The following ZNF195 variants were observed in gnomAD, a reference collection of about 807,000 sequenced individuals.
ZNF195 encodes hypoxia-regulated factor-1.
A neutral mutation model predicts 19.5 loss-of-function variants in ZNF195; 11 were observed. The ratio of observed to expected loss-of-function variants is 0.57; its 90% CI spans 0.36 to 0.94. The LOEUF (loss-of-function observed/expected upper bound fraction) is 0.94, where lower values mean the gene tolerates loss of function less well. Among genes scored for constraint, ZNF195 ranks in the 40% least tolerant of loss-of-function variants. The pLI is 0.01. For missense variants in ZNF195, 582 were observed against 709.0 expected (o/e 0.82, Z 2.03); for synonymous variants, 214 against 248.1 (o/e 0.86, Z 1.29).
chr11:3,362,748 A>C, intron 3 of ZNF195: 1 of 346,768 alleles, frequency 2.9e-6, no homozygotes, highest in Non-Finnish European at 5.3e-6. Context: ...CATTTCAGTA[A>C]ATTGCTTATT....
chr11:3,362,003 G>A (rs769802652), intron 3 of ZNF195, 114 bp from the exon 4 acceptor site: 24 of 445,192 alleles, frequency 5.4e-5, no homozygotes, highest in African/African-American at 4.8e-4. Context: ...AGGCCGCAGT[G>A]AGCCACGATC....
At chr11:3,377,168 T>C (rs1343083880) in intron 1 of ZNF195, among the ~76,000 whole-genome samples, 1 of 152,266 alleles carries the variant, frequency 6.6e-6, no homozygotes, top group Non-Finnish European at 1.5e-5. Context: ...GCTCTACTGA[T>C]AAAATGTAAA....
chr11:3,361,069 C>T (rs377054164), intron 4 of ZNF195, among the ~76,000 whole-genome samples: 8 of 152,242 alleles, frequency 5.3e-5, no homozygotes, highest in Non-Finnish European at 8.8e-5. Context: ...CCCATGACAG[C>T]GGTAGGAAGG....
rs548660620 is a variant in ZNF195, at chr11:3,365,024, T to C, written c.227-3135A>G. On this transcript the variant is annotated intron_variant, in intron 3 of 5. Coordinates refer to ENST00000399602, the MANE Select transcript of ZNF195 (RefSeq NM_001130520.3). ...TATCCTTATATTAGACACAATACACTGTAAGTCAGAACTGTCACAGGAGAT... is the reference window on the plus strand; with the variant it reads ...TATCCTTATATTAGACACAATACACCGTAAGTCAGAACTGTCACAGGAGAT... Among the ~76,000 whole-genome samples, 48 of 152,312 alleles carry C rather than the reference T, an allele frequency of 3.2e-4. 1 individual carries two copies. In the East Asian group the frequency reaches 9.0e-3, roughly 29 times the overall value.
intron 1 of ZNF195, among the ~76,000 whole-genome samples, chr11:3,377,037 T>C (rs1849500130): frequency 6.6e-6 from 1 of 152,328 alleles, no homozygotes; most frequent in African/African-American, 2.4e-5. Flanking sequence ...AGAACAGACC[T>C]AAGTAACTTT....
At position 3,371,026 on chromosome 11, in the gene ZNF195, G is replaced by A. The variant is rs550106470; in HGVS notation, c.175C>T (p.Arg59Ter). ...KPGLITCLEQ[R>*]KEPWNVKRQE... ...CTCTTCACATTCCAGGGCTCTTTTC[G>A]TTGCTCCAGGCAGGTGATCAGGCCT... The change falls in exon 3 of 6, where the codon CGA (arginine) becomes TGA (stop). Residue 59 changes from arginine to a stop codon, truncating the protein, a stop_gained. Transcript: ENST00000399602. LOFTEE classifies it high-confidence loss of function. 5.0e-6 allele frequency: 8 copies of A among 1,613,916 alleles called. No homozygotes were observed. The highest frequency in any genetic ancestry group is 6.8e-6 in the Non-Finnish European group (8 of 1,179,928).
rs1296075645 is a variant in ZNF195, at chr11:3,373,697, C to G, written c.4-1994G>C. ...ATGCCTTTAAAGGTGTTAGCACAAC[C>G]CCTTCACCTGCTACCACCACAACCA... On this transcript the variant is annotated intron_variant, in intron 1 of 5. Coordinates refer to ENST00000399602, the MANE Select transcript of ZNF195 (RefSeq NM_001130520.3). The G allele has an allele frequency of 2.8e-6, 4 of 1,430,832 alleles. No individual in the cohort carries two copies. In the East Asian group the frequency reaches 9.9e-5, roughly 36 times the overall value. The allele number at this position is 1,430,832 out of a possible 1,614,324, so 88.6% of individuals were successfully genotyped here.
rs559335150 is a variant in ZNF195, at chr11:3,366,538, C to A, written c.226+4437G>T. Among the ~76,000 whole-genome samples, 181 of 152,186 alleles carry A rather than the reference C, an allele frequency of 1.2e-3. 1 individual carries two copies. The Middle Eastern group carries it at 0.02, about 17-fold the overall frequency. Reference sequence around the variant, plus strand: ...GATTTAAAAATAGATGAAGGACTAACTGAAATCTCTCCAAAAAAGATATGG... The same window carrying A: ...GATTTAAAAATAGATGAAGGACTAAATGAAATCTCTCCAAAAAAGATATGG... On this transcript the variant is annotated intron_variant, in intron 3 of 5. Transcript: ENST00000399602.
At chr11:3,365,398 T>TG (rs1848828135) in intron 3 of ZNF195, among the ~76,000 whole-genome samples, 1 of 152,182 alleles carries the variant, frequency 6.6e-6, no homozygotes, top group African/African-American at 2.4e-5. Context: ...CTCTTAAAGA[T>TG]GAAAGTCTCA....
At chr11:3,366,043 G>A (rs1848864598) in intron 3 of ZNF195, among the ~76,000 whole-genome samples, 1 of 151,758 alleles carries the variant, frequency 6.6e-6, no homozygotes, top group African/African-American at 2.4e-5. Context: ...GGATCACGAG[G>A]TCAGGAGATC....
Position 3,379,049 on chromosome 11 carries a change from C to A in ZNF195, c.-9G>T. The stretch of plus-strand genomic sequence containing the variant: ...GCCCCTACACTCACCATCTCCTGGC[C>A]TCCAGAGAGCCTGGCGTTTCACTTC... On this transcript the variant is annotated 5_prime_UTR_variant, in exon 1 of 6. It adds an upstream start codon to the 5' untranslated region. Coordinates refer to ENST00000399602, the MANE Select transcript of ZNF195 (RefSeq NM_001130520.3). 1 of 1,495,522 alleles carries A rather than the reference C, an allele frequency of 6.7e-7. No individual in the cohort carries two copies. Among genetic ancestry groups the A allele is most frequent in the South Asian group, 1.3e-5 (1 of 75,912 alleles). The allele number at this position is 1,495,522 out of a possible 1,614,324, so 92.6% of individuals were successfully genotyped here.
chr11:3,359,383 C>A lies in ZNF195; in HGVS notation c.1625G>T (p.Arg542Ile), dbSNP rs762257524. The A allele has an allele frequency of 3.1e-6, 5 of 1,614,106 alleles. No homozygotes were observed. Among genetic ancestry groups the A allele is most frequent in the Non-Finnish European group, 4.2e-6 (5 of 1,180,004 alleles). ...GTAGGGTTTCTCTCCAGTATGAATTCTCTTATGTACAATAAGGTTGGAGGA... is the reference window on the plus strand; with the variant it reads ...GTAGGGTTTCTCTCCAGTATGAATTATCTTATGTACAATAAGGTTGGAGGA... ...TQSSNLIVHK[R>I]IHTGEKPYKC... is the part of the protein sequence containing the mutation. The change falls in exon 6 of 6, where the codon AGA (arginine) becomes ATA (isoleucine). Residue 542 changes from arginine to isoleucine, a missense_variant. By Grantham distance (97) the Arg-to-Ile change is moderately conservative (BLOSUM62 -3). Coordinates refer to ENST00000399602, the MANE Select transcript of ZNF195 (RefSeq NM_001130520.3). The surrounding 1 kb of genome is among the most constrained non-coding windows in gnomAD (Gnocchi z 5.5).
At chr11:3,364,381 T>C (rs1414787810) in intron 3 of ZNF195, among the ~76,000 whole-genome samples, 1 of 152,150 alleles carries the variant, frequency 6.6e-6, no homozygotes, top group Admixed American at 6.5e-5. Flanking sequence ...CATATGAAAA[T>C]ATAAAACTCT....
chr11:3,360,594 T>A, intron 5 of ZNF195, 29 bp from the exon 6 acceptor site: 2 of 1,552,474 alleles, frequency 1.3e-6, no homozygotes, highest in East Asian at 4.5e-5. Context: ...GTTATCCGAC[T>A]TACTAGACAC....
intron 1 of ZNF195, among the ~76,000 whole-genome samples, chr11:3,374,042 T>C (rs753094450): frequency 3.3e-4 from 50 of 152,332 alleles, no homozygotes; most frequent in Middle Eastern, 3.4e-3. Flanking sequence ...ATGATGCATG[T>C]GACTTAAACA....
At chr11:3,361,523 TGAAAA>T (rs1848632416) in intron 4 of ZNF195, among the ~76,000 whole-genome samples, 1 of 151,416 alleles carries the variant, frequency 6.6e-6, no homozygotes, top group African/African-American at 2.4e-5. Flanking sequence ...ACATGAAGTA[TGAAAA>T]ACAGACTGAG....
At chr11:3,369,091 C>A in intron 3 of ZNF195, 1 of 276,140 alleles carries the variant, frequency 3.6e-6, no homozygotes, top group South Asian at 3.7e-5. Context: ...GCTTGTGACA[C>A]CAAAGACAAT....
chr11:3,362,684 G>A, intron 3 of ZNF195: 1 of 416,258 alleles, frequency 2.4e-6, no homozygotes, highest in South Asian at 5.1e-5. Context: ...AAGAGAGAAA[G>A]AAAAAGCTAC....
chr11:3,358,742 TCAGTGTCATTTCTGAACGTGTCC>T lies in ZNF195; in HGVS notation c.*353_*375del. 1 of 188,796 alleles carries T rather than the reference TCAGTGTCATTTCTGAACGTGTCC, an allele frequency of 5.3e-6. No individual in the cohort carries two copies. Among genetic ancestry groups the T allele is most frequent in the Non-Finnish European group, 1.1e-5 (1 of 92,198 alleles). 11.7% of individuals were successfully genotyped at this position (188,796 alleles called of 1,614,324 possible). A position where few individuals can be genotyped will look rare whatever the true frequency, so the allele number is the denominator to read the frequency against. On this transcript the variant is annotated 3_prime_UTR_variant, in exon 6 of 6. Transcript: ENST00000399602. ...GTCTCTGTAGACTCAACACAGGGAT[TCAGTGTCATTTCTGAACGTGTCC>T]TTGCTTATTTTTCCCATTTAGTGTA...
Sources: gnomAD v4.1 joint callset for allele counts (sites outside exome capture counted in the v4.1 genomes callset) on GRCh38, gnomAD v4.1.1 for gene constraint, Gnocchi (gnomAD v3.1) non-coding constraint, MANE v1.5 for transcripts, NCBI Gene and HGNC (gene_info 2026-07-23, HGNC 2026-07-21) for gene names.